Variants in ZBED6 observed in about 807,000 individuals in gnomAD.
ZBED6 encodes zinc finger BED domain-containing protein 6.
Under a neutral mutation model 58.4 loss-of-function variants are expected in ZBED6, and 40 were observed. The observed-to-expected ratio is 0.68, with a 90% CI of 0.53 to 0.89. The LOEUF is 0.89. Ranked by LOEUF, ZBED6 falls within the 40% of genes least tolerant of loss-of-function variation. The pLI is 0.00. For synonymous variants in ZBED6, 439 were observed against 350.6 expected (o/e 1.25, Z -2.82); for missense variants, 1,057 against 1,003.9 (o/e 1.05, Z -0.71).
chr1:203,804,478 T>C (rs901824099), intron 1 of ZBED6, among the ~76,000 whole-genome samples: 11 of 152,036 alleles, frequency 7.2e-5, no homozygotes, highest in Non-Finnish European at 1.5e-4. Flanking sequence ...TTATTGTGAA[T>C]GGTCTCTTCC....
chr1:203,801,311 A>G (rs1229574435), exon 1 of ZBED6: 1 of 152,180 alleles, frequency 6.6e-6, no homozygotes, highest in Non-Finnish European at 1.5e-5. Context: ...AACATACTTA[A>G]TGACCCATTA....
intron 10 of ZBED6, 55 bp downstream of exon 10, chr1:203,838,119 T>C (rs1684951263): frequency 1.3e-6 from 2 of 1,513,812 alleles, no homozygotes. Flanking sequence ...ACTTGTGTCT[T>C]GTAATGCTAA....
At position 203,797,862 on chromosome 1, in the gene ZBED6, C is replaced by A. The variant is rs780055148; in HGVS notation, c.340C>A (p.Leu114Ile). 9 of 1,536,022 alleles carry A rather than the reference C, an allele frequency of 5.9e-6. 1 individual carries two copies. In the South Asian group the frequency reaches 1.1e-4, roughly 18 times the overall value. The change falls in exon 1 of 17, where the codon CTT (leucine) becomes ATT (isoleucine). Residue 114 changes from leucine (L) to isoleucine (I), a missense_variant. By Grantham distance (5) the Leu-to-Ile change is conservative (BLOSUM62 2). Transcript: ENST00000550078. ...TGACCCTGAGCAGGATGAAGAAAGT[C>A]TTTTTGAGAGCAATATAGAAAAACA... is the stretch of plus-strand genomic sequence containing the variant.
At chr1:203,848,114 T>C (rs1688367090) in intron 12 of ZBED6, among the ~76,000 whole-genome samples, 1 of 152,180 alleles carries the variant, frequency 6.6e-6, no homozygotes, top group Non-Finnish European at 1.5e-5. Context: ...TGCTTCAGTC[T>C]CCCAAAGTGC....
chr1:203,805,935 T>C, intron 1 of ZBED6: 1 of 651,702 alleles, frequency 1.5e-6, no homozygotes, highest in Non-Finnish European at 2.9e-6. Flanking sequence ...TTTCCTTTGC[T>C]CCCAGTTTCA....
At chr1:203,847,738 A>G in intron 12 of ZBED6, 51 bp downstream of exon 12, 1 of 1,570,336 alleles carries the variant, frequency 6.4e-7, no homozygotes, top group Admixed American at 1.9e-5. Flanking sequence ...AATATTCCAG[A>G]GGAGTGTTCC....
intron 7 of ZBED6, 26 bp from the exon 8 acceptor site, chr1:203,831,635 G>A: frequency 1.9e-6 from 3 of 1,584,778 alleles, no homozygotes; most frequent in Non-Finnish European, 2.6e-6. Context: ...TAAATTATTT[G>A]CTGTTCTTTG....
exon 1 of ZBED6, chr1:203,796,746 A>G (rs1452262679): frequency 5.4e-5 from 17 of 314,300 alleles, no homozygotes; most frequent in Non-Finnish European, 8.1e-5. Flanking sequence ...AAGTCTAAAA[A>G]TATCTGAAAA....
exon 1 of ZBED6, chr1:203,799,797 C>G (rs766176242): frequency 1.6e-6 from 2 of 1,275,528 alleles, no homozygotes; most frequent in South Asian, 1.3e-5. Context: ...AAGTGCCATG[C>G]TTAAATCCAA....
At chr1:203,796,749 T>C (rs1668645195) in exon 1 of ZBED6, 2 of 311,204 alleles carry the variant, frequency 6.4e-6, no homozygotes, top group Admixed American at 5.0e-5. Context: ...TCTAAAAATA[T>C]CTGAAAACTA....
At chr1:203,844,195 A>T (rs1687267986) in intron 11 of ZBED6, among the ~76,000 whole-genome samples, 1 of 138,204 alleles carries the variant, frequency 7.2e-6, no homozygotes, top group Non-Finnish European at 1.5e-5. Flanking sequence ...ACAGAGTCTC[A>T]CTCTCATCCA....
chr1:203,804,746 C>T (rs367784579), intron 1 of ZBED6, among the ~76,000 whole-genome samples: 108 of 149,456 alleles, frequency 7.2e-4, no homozygotes, highest in African/African-American at 2.6e-3. Context: ...TGTCTTGGCT[C>T]ATTGCAACCT....
exon 17 of ZBED6, chr1:203,853,400 C>T (rs1379236263): frequency 6.6e-6 from 1 of 152,496 alleles, no homozygotes; most frequent in Non-Finnish European, 1.5e-5. Context: ...TATTGAGATG[C>T]TCTGGGGGTG....
At chr1:203,852,181 C>A (rs1390645472) in exon 17 of ZBED6, 1 of 1,613,588 alleles carries the variant, frequency 6.2e-7, no homozygotes, top group Non-Finnish European at 8.5e-7. Context: ...AGATTCCTCA[C>A]CCCCGGAGGT....
exon 1 of ZBED6, chr1:203,796,972 T>G (rs1311892075): frequency 1.3e-5 from 2 of 153,206 alleles, no homozygotes; most frequent in African/African-American, 4.8e-5. Flanking sequence ...TTGGGTTGTA[T>G]TGGCAAATCA....
chr1:203,839,341 AGG>A (rs1299073749), intron 10 of ZBED6, among the ~76,000 whole-genome samples: 23 of 152,338 alleles, frequency 1.5e-4, no homozygotes, highest in Non-Finnish European at 2.4e-4. Flanking sequence ...TGCGCCCCTC[AGG>A]GAATTAGAAT....
rs571447613 is a variant in ZBED6 at position 203,797,587 on chromosome 1, T to C, written c.65T>C (p.Phe22Ser). The change falls in exon 1 of 17, where the codon TTT (phenylalanine) becomes TCT (serine). Residue 22 changes from phenylalanine (F) to serine (S), a missense_variant. Physicochemically the swap from Phe to Ser is radical, Grantham distance 155. Transcript: ENST00000550078. ...TCTCCTGGCAGAAGATGCAACACTTTTAGTGATTCTGGGATTCTGGGATGT... is the reference window on the plus strand; with the variant it reads ...TCTCCTGGCAGAAGATGCAACACTTCTAGTGATTCTGGGATTCTGGGATGT... 2.2e-5 allele frequency: 34 copies of C among 1,534,214 alleles called. No individual in the cohort carries two copies. In the East Asian group the frequency reaches 2.7e-4, roughly 12 times the overall value.
At chr1:203,830,329 C>T in intron 7 of ZBED6, 126 bp downstream of exon 7, 2 of 743,614 alleles carry the variant, frequency 2.7e-6, no homozygotes. Context: ...TGAAGTAAAA[C>T]ACAGACTTAT....
At chr1:203,799,341 G>T (rs1460698590) in exon 1 of ZBED6, 1 of 705,476 alleles carries the variant, frequency 1.4e-6, no homozygotes, top group Non-Finnish European at 2.6e-6. Context: ...GAATATGTTA[G>T]TGGCTGCCAG....
Sources: allele counts gnomAD v4.1 joint callset (sites outside exome capture counted in the v4.1 genomes callset), GRCh38; gene constraint gnomAD v4.1.1; transcripts MANE v1.5; gene names NCBI Gene and HGNC (gene_info 2026-07-23, HGNC 2026-07-21).